Variants in OAS3 observed in about 807,000 individuals in gnomAD.
The protein encoded by OAS3 is 2'-5'-oligoadenylate synthetase 3.
A neutral mutation model predicts 113.0 loss-of-function variants in OAS3; 107 were observed. That is an observed-to-expected ratio of 0.95 (90% CI 0.81 to 1.11). The LOEUF is 1.11. Among genes scored for constraint, OAS3 ranks in the 50% most tolerant of loss-of-function variants. The pLI is 0.00. For synonymous variants in OAS3, 552 were observed against 573.6 expected, an observed-to-expected ratio of 0.96 and a Z score of 0.54; for missense variants, 1,258 against 1,389.1, an observed-to-expected ratio of 0.91 and a Z score of 1.50.
intron 7 of OAS3, among the ~76,000 whole-genome samples, chr12:112,956,451 C>T (rs1314637095): frequency 6.6e-6 from 1 of 152,172 alleles, no homozygotes; most frequent in Non-Finnish European, 1.5e-5. Context: ...TTAGATCTTT[C>T]TTGCTTTCTC....
In OAS3 at chr12:112,948,898, C is replaced by A; in HGVS notation, c.1067C>A (p.Pro356His). 6.3e-7 allele frequency: 1 copy of A among 1,599,038 alleles called. No individual in the cohort carries two copies. Residue 356 changes from proline (P) to histidine (H), a missense_variant, in exon 6 of 16, where the codon CCC becomes CAC. Physicochemically the swap from Pro to His is moderately conservative, Grantham distance 77. Transcript: ENST00000228928. Reference protein sequence around the residue: ...PRAGCSGLGHPIQLDPNQKTP... With the variant: ...PRAGCSGLGHHIQLDPNQKTP... The stretch of plus-strand genomic sequence containing the variant: ...GCTGGATGCTCAGGTTTGGGCCACC[C>A]CATCCAGCTAGACCCTAACCAGAAG...
At chr12:112,947,153 C>G (rs1302787185) in intron 4 of OAS3, among the ~76,000 whole-genome samples, 172 bp downstream of exon 4, 1 of 152,212 alleles carries the variant, frequency 6.6e-6, no homozygotes, top group Non-Finnish European at 1.5e-5. Context: ...ATTAGAATTA[C>G]CTGGGGGAGT....
At chr12:112,947,436 C>A (rs1245128518) in intron 4 of OAS3, among the ~76,000 whole-genome samples, 1 of 152,146 alleles carries the variant, frequency 6.6e-6, no homozygotes, top group African/African-American at 2.4e-5. Flanking sequence ...TTGTGTCTGG[C>A]TTCTCGTTCT....
At chr12:112,961,900 G>A (rs2043890520) in intron 8 of OAS3, among the ~76,000 whole-genome samples, 1 of 151,838 alleles carries the variant, frequency 6.6e-6, no homozygotes, top group Admixed American at 6.6e-5. Flanking sequence ...GGCTCAAGTA[G>A]TCCTCCTGCC....
intron 7 of OAS3, among the ~76,000 whole-genome samples, chr12:112,951,692 G>T (rs2043793811): frequency 6.6e-6 from 1 of 151,922 alleles, no homozygotes; most frequent in Admixed American, 6.6e-5. Flanking sequence ...ATTGCCCATG[G>T]TTGAAAAGAA....
In OAS3 at chr12:112,959,752, G is replaced by A. The variant is rs560029981; in HGVS notation, c.1658-1319G>A. Among the ~76,000 whole-genome samples the A allele has an allele frequency of 2.6e-5, 4 of 151,998 alleles. No individual in the cohort carries two copies. The East Asian group carries it at 7.7e-4, about 29-fold the overall frequency. On this transcript the variant is annotated intron_variant, in intron 7 of 15. Coordinates refer to ENST00000228928, the MANE Select transcript of OAS3 (RefSeq NM_006187.4). ...TTCAGTTTCTTGGACCTGTCTTCTGGTTTATAAACTCTATTCAAATAATGT... is the reference window on the plus strand; with the variant it reads ...TTCAGTTTCTTGGACCTGTCTTCTGATTTATAAACTCTATTCAAATAATGT...
chr12:112,948,098 C>T lies in OAS3; in HGVS notation c.1028C>T (p.Pro343Leu), dbSNP rs565465885. Reference sequence around the variant, plus strand: ...GACCCAGTGCAGTCTTGGAAGGGGCCGGTAAGTGAGGGGGCCCCAGGACCC... The same window carrying T: ...GACCCAGTGCAGTCTTGGAAGGGGCTGGTAAGTGAGGGGGCCCCAGGACCC... ...MGDPVQSWKG[P>L]GLPRAGCSGL... is the part of the protein sequence containing the mutation. Residue 343 changes from proline (P) to leucine (L), a missense_variant and splice_region_variant, in exon 5 of 16, where the codon CCG (proline) becomes CTG (leucine). Pro to Leu is a moderately conservative substitution (Grantham distance 98). Coordinates refer to ENST00000228928, the MANE Select transcript of OAS3 (RefSeq NM_006187.4). 5.1e-5 allele frequency: 77 copies of T among 1,521,990 alleles called. No individual in the cohort carries two copies. The highest frequency in any genetic ancestry group is 9.8e-5 in the African/African-American group (7 of 71,132). 94.3% of individuals were successfully genotyped at this position (1,521,990 alleles called of 1,614,324 possible).
In OAS3 at chr12:112,944,511, GTCTAC is replaced by G. The variant is rs2043709312; in HGVS notation, c.502_506del (p.Ser168ProfsTer73). The G allele has an allele frequency of 1.2e-6, 2 of 1,613,958 alleles. No individual in the cohort carries two copies. Among genetic ancestry groups the G allele is most frequent in the Non-Finnish European group, 1.7e-6 (2 of 1,179,920 alleles). On this transcript the variant is annotated frameshift_variant, in exon 3 of 16. Coordinates refer to ENST00000228928, the MANE Select transcript of OAS3 (RefSeq NM_006187.4). LOFTEE classifies it high-confidence loss of function. ...CTCCGGCGTCAAACCCAAGCCACAA[GTCTAC>G]TCTACCCTCCTCAACAGTGGCTGCC...
chr12:112,964,234 G>A lies in OAS3; in HGVS notation c.2230-1G>A. ...TGGCCCCACCTGGATTCTCTCTGCAGCCAGCCCTCCTTTACCAAACCCCAG... is the reference window on the plus strand; with the variant it reads ...TGGCCCCACCTGGATTCTCTCTGCAACCAGCCCTCCTTTACCAAACCCCAG... On this transcript the variant is annotated splice_acceptor_variant, in intron 10 of 15. Transcript: ENST00000228928. LOFTEE classifies it high-confidence loss of function. 6.3e-7 allele frequency: 1 copy of A among 1,583,102 alleles called. No homozygotes were observed. The highest frequency in any genetic ancestry group is 1.2e-5 in the South Asian group (1 of 86,090).
rs1032722090 is a variant in OAS3, at chr12:112,972,323, C to T, written c.*2350C>T. The T allele has an allele frequency of 6.6e-6, 1 of 152,222 alleles. No homozygotes were observed. The highest frequency in any genetic ancestry group is 1.5e-5 in the Non-Finnish European group (1 of 68,052). 9.4% of individuals were successfully genotyped at this position (152,222 alleles called of 1,614,324 possible). A position where few individuals can be genotyped will look rare whatever the true frequency, so the allele number is the denominator to read the frequency against. On this transcript the variant is annotated 3_prime_UTR_variant, in exon 16 of 16. Coordinates refer to ENST00000228928, the MANE Select transcript of OAS3 (RefSeq NM_006187.4). ...AGGGGTGTATTTCATTCCAGGCCCT[C>T]AGTCTTTGGCAATGGCCACCCTGGT...
chr12:112,968,126 A>T lies in OAS3; in HGVS notation c.3056A>T (p.Lys1019Met). The change falls in exon 14 of 16, where the codon AAG becomes ATG. Residue 1019 changes from lysine to methionine, a missense_variant. Coordinates refer to ENST00000228928, the MANE Select transcript of OAS3 (RefSeq NM_006187.4). ...CIYWTINYNA[K>M]DKTVGDFLKQ... ...TACTGGACCATCAACTACAACGCCA[A>T]GGACAAGACTGTTGGAGACTTCCTG... The T allele has an allele frequency of 6.2e-7, 1 of 1,613,972 alleles. No individual in the cohort carries two copies. Among genetic ancestry groups the T allele is most frequent in the East Asian group, 2.2e-5 (1 of 44,874 alleles).
intron 3 of OAS3, among the ~76,000 whole-genome samples, chr12:112,946,070 G>A (rs1363267315): frequency 6.6e-6 from 1 of 152,118 alleles, no homozygotes; most frequent in East Asian, 1.9e-4. Flanking sequence ...CTGGGTGGTG[G>A]GTACACATGT....
rs756323760 is a variant in OAS3, at chr12:112,938,595, G to A, written c.65G>A (p.Arg22Gln). The change falls in exon 1 of 16, where the codon CGG (arginine) becomes CAG (glutamine). Residue 22 changes from arginine to glutamine, a missense_variant. Transcript: ENST00000228928. ...DRFVARRLQP[R>Q]KEFVEKARRA... Reference sequence around the variant, plus strand: ...TTCGTGGCCAGAAGGCTGCAGCCGCGGAAGGAGTTCGTAGAGAAGGCGCGG... The same window carrying A: ...TTCGTGGCCAGAAGGCTGCAGCCGCAGAAGGAGTTCGTAGAGAAGGCGCGG... The A allele has an allele frequency of 4.3e-6, 7 of 1,610,656 alleles. No homozygotes were observed. The Admixed American group carries it at 6.7e-5, about 15-fold the overall frequency.
chr12:112,948,502 C>A (rs1186648292), intron 5 of OAS3, among the ~76,000 whole-genome samples: 338 of 99,294 alleles, frequency 3.4e-3, no homozygotes, highest in Non-Finnish European at 3.9e-3. Context: ...GACTCCGTCC[C>A]AAAAAAAAAA....
intron 7 of OAS3, among the ~76,000 whole-genome samples, chr12:112,959,990 A>G (rs1406103651): frequency 1.3e-5 from 2 of 152,058 alleles, no homozygotes. Context: ...TTGAGGTGCT[A>G]ATTTTCCTAT....
intron 6 of OAS3, among the ~76,000 whole-genome samples, chr12:112,950,242 A>G (rs1220936145): frequency 6.7e-6 from 1 of 148,960 alleles, no homozygotes; most frequent in African/African-American, 2.4e-5. Context: ...TGTATCGGAT[A>G]TGTGTGATAT....
rs951727420 is a variant in OAS3, at chr12:112,963,463, A to G, written c.2229+6A>G. ...TGCAGCCCTGGGATGTGATGGTAAG[A>G]TGGAGGGTCCTGGGGGGCAGGGGGC... On this transcript the variant is annotated splice_donor_region_variant and intron_variant, in intron 10 of 15. Coordinates refer to ENST00000228928, the MANE Select transcript of OAS3 (RefSeq NM_006187.4). The surrounding 1 kb of genome is among the most constrained non-coding windows in gnomAD (Gnocchi z 4.6). 3.9e-5 allele frequency: 60 copies of G among 1,536,636 alleles called. No individual in the cohort carries two copies. The African/African-American group carries it at 7.3e-4, about 19-fold the overall frequency.
chr12:112,941,954 G>A (rs771493246), intron 2 of OAS3, 102 bp downstream of exon 2: 1 of 1,451,330 alleles, frequency 6.9e-7, no homozygotes, highest in Non-Finnish European at 9.7e-7. Flanking sequence ...TGTTTGACCT[G>A]GGCCAGCCTC....
chr12:112,961,280 C>A (rs1378016163), intron 8 of OAS3, 34 bp downstream of exon 8: 1 of 1,600,096 alleles, frequency 6.2e-7, no homozygotes, highest in Admixed American at 1.7e-5. Context: ...AGGAAGCCAC[C>A]ACTGTCATGG....
Sources: gnomAD v4.1 joint callset for allele counts (sites outside exome capture counted in the v4.1 genomes callset) on GRCh38, gnomAD v4.1.1 for gene constraint, Gnocchi (gnomAD v3.1) non-coding constraint, MANE v1.5 for transcripts, NCBI Gene and HGNC (gene_info 2026-07-23, HGNC 2026-07-21) for gene names.